The following CTNNA3 variants were observed in gnomAD, a reference collection of about 807,000 sequenced individuals.
CTNNA3 encodes the protein catenin alpha 3, also known as catenin alpha-3.
Under a neutral mutation model 95.7 loss-of-function variants are expected in CTNNA3, and 76 were observed. The ratio of observed to expected loss-of-function variants is 0.79; its 90% CI spans 0.66 to 0.96. CTNNA3 has a LOEUF of 0.96. Ranked by LOEUF, CTNNA3 falls within the 40% of genes least tolerant of loss-of-function variation. The pLI is 0.00. For missense variants in CTNNA3, 1,191 were observed against 1,089.8 expected, an observed-to-expected ratio of 1.09 and a Z score of -1.31; for synonymous variants, 431 against 374.4, an observed-to-expected ratio of 1.15 and a Z score of -1.74.
At chr10:66,165,776 A>G (rs1174111662) in intron 13 of CTNNA3, among the ~76,000 whole-genome samples, 4 of 151,580 alleles carry the variant, frequency 2.6e-5, no homozygotes, top group Non-Finnish European at 5.9e-5. Flanking sequence ...TTTTATTATT[A>G]TTATTATTTT....
intron 9 of CTNNA3, among the ~76,000 whole-genome samples, chr10:66,722,936 A>G (rs1848674003): frequency 6.6e-6 from 1 of 152,116 alleles, no homozygotes; most frequent in African/African-American, 2.4e-5. Context: ...CCTTCCGTCC[A>G]ATCACAGTGT....
chr10:66,708,001 A>C (rs1848171942), intron 9 of CTNNA3, among the ~76,000 whole-genome samples: 1 of 152,158 alleles, frequency 6.6e-6, no homozygotes, highest in Non-Finnish European at 1.5e-5. Context: ...CATAATGTTA[A>C]AGTCACTCAA....
intron 11 of CTNNA3, among the ~76,000 whole-genome samples, chr10:66,397,293 G>A (rs1589191804): frequency 1.3e-5 from 2 of 151,694 alleles, no homozygotes; most frequent in South Asian, 4.2e-4. Context: ...ATTAAACAGA[G>A]AACTCTTATA....
At chr10:66,496,430 A>C (rs1840101196) in intron 11 of CTNNA3, among the ~76,000 whole-genome samples, 1 of 152,234 alleles carries the variant, frequency 6.6e-6, no homozygotes, top group Non-Finnish European at 1.5e-5. Context: ...TCATTACTAG[A>C]ATAATGAAGA....
At chr10:67,680,819 G>T (rs1033155834) in intron 1 of CTNNA3, among the ~76,000 whole-genome samples, 1 of 152,122 alleles carries the variant, frequency 6.6e-6, no homozygotes, top group Non-Finnish European at 1.5e-5. Flanking sequence ...CCTGGTTGAA[G>T]AAATAAATCC....
At chr10:66,710,745 G>A (rs1848264471) in intron 9 of CTNNA3, among the ~76,000 whole-genome samples, 1 of 151,558 alleles carries the variant, frequency 6.6e-6, no homozygotes, top group Non-Finnish European at 1.5e-5. Context: ...ATATATTTAA[G>A]ATATATTAAA....
Position 67,551,744 on chromosome 10 carries a change from TGAG to T in CTNNA3, c.293-12078_293-12076del, listed in dbSNP as rs549305613. Among the ~76,000 whole-genome samples the T allele has an allele frequency of 6.9e-4, 105 of 152,260 alleles. 1 individual carries two copies. Among genetic ancestry groups the T allele is most frequent in the East Asian group, 1.2e-3 (6 of 5,174 alleles). On this transcript the variant is annotated intron_variant, in intron 3 of 17. Coordinates refer to ENST00000433211, the MANE Select transcript of CTNNA3 (RefSeq NM_013266.4). The stretch of plus-strand genomic sequence containing the variant: ...AGCCACACTCCCATCACACACCCCC[TGAG>T]GAGGACAAGGGAACTTTTCCCGTTT...
chr10:66,719,647 T>C (rs1039100699), intron 9 of CTNNA3, among the ~76,000 whole-genome samples: 4 of 152,104 alleles, frequency 2.6e-5, no homozygotes, highest in Admixed American at 2.0e-4. Context: ...TCTCAGAATA[T>C]ACCTGCAGCA....
intron 13 of CTNNA3, among the ~76,000 whole-genome samples, chr10:66,243,640 T>C (rs1382031874): frequency 6.6e-6 from 1 of 152,218 alleles, no homozygotes; most frequent in African/African-American, 2.4e-5. Flanking sequence ...ATTGATGTTT[T>C]ACATCTCCCT....
chr10:66,801,221 C>A (rs575361142), intron 7 of CTNNA3, among the ~76,000 whole-genome samples: 1 of 151,216 alleles, frequency 6.6e-6, no homozygotes, highest in African/African-American at 2.4e-5. Flanking sequence ...GATTTACAGA[C>A]AACAAAATAA....
chr10:66,078,625 A>G (rs974448848), intron 14 of CTNNA3, among the ~76,000 whole-genome samples: 37 of 151,992 alleles, frequency 2.4e-4, no homozygotes, highest in African/African-American at 8.0e-4. Context: ...AAAATAAACT[A>G]TAACTAAGCC....
chr10:66,162,269 G>T (rs544660597), intron 13 of CTNNA3, among the ~76,000 whole-genome samples: 1 of 152,186 alleles, frequency 6.6e-6, no homozygotes, highest in East Asian at 1.9e-4. Context: ...TTGAGGGGAT[G>T]TTGAAGAGCC....
At chr10:66,198,965 A>G (rs2087135552) in intron 13 of CTNNA3, among the ~76,000 whole-genome samples, 1 of 152,202 alleles carries the variant, frequency 6.6e-6, no homozygotes, top group Admixed American at 6.5e-5. Flanking sequence ...TAGTTTTTCA[A>G]CTGCTTTAGG....
intron 15 of CTNNA3, among the ~76,000 whole-genome samples, chr10:66,035,212 A>C (rs924824896): frequency 6.6e-6 from 1 of 152,188 alleles, no homozygotes; most frequent in Non-Finnish European, 1.5e-5. Flanking sequence ...GATAAATAGA[A>C]GGTGAGTGCA....
chr10:67,725,421 C>A (rs1050298373), intron 1 of CTNNA3, among the ~76,000 whole-genome samples: 6 of 152,096 alleles, frequency 3.9e-5, no homozygotes, highest in Non-Finnish European at 7.4e-5. Flanking sequence ...TCGTGATTCG[C>A]CCACCTCGGC....
chr10:66,507,988 C>T (rs1284131601), intron 11 of CTNNA3, among the ~76,000 whole-genome samples: 2 of 151,976 alleles, frequency 1.3e-5, no homozygotes, highest in Non-Finnish European at 2.9e-5. Context: ...CATAAGAATT[C>T]CCCTTACTCC....
chr10:66,846,628 T>C (rs1843292426), intron 7 of CTNNA3, among the ~76,000 whole-genome samples: 1 of 152,138 alleles, frequency 6.6e-6, no homozygotes, highest in Admixed American at 6.5e-5. Context: ...TTGTCAGTTA[T>C]ACCTCAGTAT....
intron 7 of CTNNA3, among the ~76,000 whole-genome samples, chr10:67,164,030 T>C (rs963543649): frequency 6.6e-6 from 1 of 151,896 alleles, no homozygotes; most frequent in African/African-American, 2.4e-5. Flanking sequence ...GACAACACAG[T>C]AAATATGTCA....
At chr10:66,099,893 G>T (rs1198331646) in intron 14 of CTNNA3, among the ~76,000 whole-genome samples, 1 of 152,112 alleles carries the variant, frequency 6.6e-6, no homozygotes, top group African/African-American at 2.4e-5. Context: ...GGCAATCACA[G>T]AAGGTCTGAG....
Sources: allele counts gnomAD v4.1 joint callset (sites outside exome capture counted in the v4.1 genomes callset), GRCh38; gene constraint gnomAD v4.1.1; transcripts MANE v1.5; gene names NCBI Gene and HGNC (gene_info 2026-07-23, HGNC 2026-07-21).